The following DNMT1 variants were observed in gnomAD, a reference collection of about 807,000 sequenced individuals.
DNMT1 encodes DNA methyltransferase 1.
DNMT1 carries 24 observed loss-of-function variants against 205.3 expected under a neutral mutation model. The ratio of observed to expected loss-of-function variants is 0.12; its 90% CI spans 0.08 to 0.16. DNMT1 has a LOEUF of 0.16. Among genes scored for constraint, DNMT1 ranks in the 10% least tolerant of loss-of-function variants. The pLI is 1.00. For missense variants in DNMT1, 1,293 were observed against 2,177.7 expected (o/e 0.59, Z 8.09); for synonymous variants, 817 against 839.8 (o/e 0.97, Z 0.47).
In DNMT1 at chr19:10,151,913, A is replaced by T. The variant is rs1372664954; in HGVS notation, c.2020-66T>A. On this transcript the variant is annotated intron_variant, in intron 22 of 40. Transcript: ENST00000359526. The surrounding 1 kb of genome is among the most constrained non-coding windows in gnomAD (Gnocchi z 5.0). ...AGTGGTTCATGCCTGTAATCCCAGT[A>T]TTTCAGAAGGCCGAGGCAGGCAGAT... 1.3e-6 allele frequency: 2 copies of T among 1,497,954 alleles called. No individual in the cohort carries two copies. Among genetic ancestry groups the T allele is most frequent in the East Asian group, 4.5e-5 (2 of 44,286 alleles). 92.8% of individuals were successfully genotyped at this position (1,497,954 alleles called of 1,614,324 possible). A position where few individuals can be genotyped will look rare whatever the true frequency, so the allele number is the denominator to read the frequency against.
chr19:10,190,014 G>C (rs564085757), intron 1 of DNMT1, among the ~76,000 whole-genome samples: 9 of 152,254 alleles, frequency 5.9e-5, no homozygotes, highest in Admixed American at 5.9e-4. Flanking sequence ...CGGCTGGCAA[G>C]TAGGGCGGCA....
Position 10,137,585 on chromosome 19 carries a change from A to AGG in DNMT1, c.4293+245_4293+246dup, listed in dbSNP as rs2089514330. ...GGAAAACATGCGGGGAGAGGCAGCA[A>AGG]GGGGGAAGGCAGTGGTGGGTGGGCA... On this transcript the variant is annotated intron_variant, in intron 36 of 40. Transcript: ENST00000359526. The surrounding 1 kb of genome is among the most constrained non-coding windows in gnomAD (Gnocchi z 6.4). 1.2e-5 allele frequency: 8 copies of AGG among 654,612 alleles called. No individual in the cohort carries two copies. The highest frequency in any genetic ancestry group is 2.1e-5 in the Non-Finnish European group (8 of 380,988). The allele number at this position is 654,612 out of a possible 1,614,324, so 40.6% of individuals were successfully genotyped here.
intron 29 of DNMT1, 27 bp downstream of exon 29, chr19:10,143,739 C>T (rs745867088): frequency 3.7e-6 from 6 of 1,612,880 alleles, no homozygotes; most frequent in Non-Finnish European, 5.1e-6. Context: ...TCTGTGGCCT[C>T]GTGGAAGAAC....
intron 22 of DNMT1, among the ~76,000 whole-genome samples, chr19:10,153,866 GAAGT>G (rs2145305869): frequency 6.6e-6 from 1 of 152,246 alleles, no homozygotes; most frequent in South Asian, 2.1e-4. Context: ...ATAGGACTAG[GAAGT>G]TAGTTCCTCC....
chr19:10,135,416 G>C (rs2089457884), intron 39 of DNMT1: 1 of 420,498 alleles, frequency 2.4e-6, no homozygotes, highest in African/African-American at 2.0e-5. Context: ...TAGGAATTAA[G>C]GTGCTAGTTC....
chr19:10,150,077 G>A (rs1057167670), intron 24 of DNMT1, 109 bp from the exon 25 acceptor site: 1 of 928,294 alleles, frequency 1.1e-6, no homozygotes, highest in African/African-American at 1.6e-5. Context: ...ATTTCATTAA[G>A]AAGTCAATGA....
At chr19:10,149,378 A>T in intron 26 of DNMT1, 75 bp downstream of exon 26, 1 of 1,554,864 alleles carries the variant, frequency 6.4e-7, no homozygotes, top group South Asian at 1.1e-5. Context: ...ATACAAATCA[A>T]AACAAAACAG....
chr19:10,182,166 G>T, intron 1 of DNMT1, 89 bp from the exon 2 acceptor site: 3 of 1,397,112 alleles, frequency 2.1e-6, no homozygotes, highest in South Asian at 1.2e-5. Context: ...AAGAAGTTTT[G>T]GACACAAACA....
chr19:10,139,420 G>A (rs1328148199), intron 34 of DNMT1, among the ~76,000 whole-genome samples: 7 of 152,196 alleles, frequency 4.6e-5, no homozygotes, highest in East Asian at 1.9e-4. Context: ...GCTGCATGGC[G>A]AGAAGCCCAT....
At position 10,133,417 on chromosome 19, in the gene DNMT1, T is replaced by A; in HGVS notation, c.*250A>T. 1 of 568,092 alleles carries A rather than the reference T, an allele frequency of 1.8e-6. No individual in the cohort carries two copies. The highest frequency in any genetic ancestry group is 2.9e-5 in the East Asian group (1 of 34,996). 35.2% of individuals were successfully genotyped at this position (568,092 alleles called of 1,614,324 possible). A position where few individuals can be genotyped will look rare whatever the true frequency, so the allele number is the denominator to read the frequency against. ...AACTACATAAAGTCTTAATTTCCAC[T>A]CATACAGTGGTAGATTTGATATAAT... On this transcript the variant is annotated 3_prime_UTR_variant, in exon 41 of 41. Coordinates refer to ENST00000359526, the MANE Select transcript of DNMT1 (RefSeq NM_001130823.3). The surrounding 1 kb of genome is among the most constrained non-coding windows in gnomAD (Gnocchi z 4.1).
chr19:10,155,325 A>G (rs907926355), intron 19 of DNMT1, among the ~76,000 whole-genome samples: 10 of 151,878 alleles, frequency 6.6e-5, no homozygotes, highest in Non-Finnish European at 1.2e-4. Flanking sequence ...GGTTGCAAGA[A>G]TAAGACCTGC....
chr19:10,165,879 T>C (rs867137845), intron 11 of DNMT1, among the ~76,000 whole-genome samples: 3 of 152,186 alleles, frequency 2.0e-5, no homozygotes, highest in African/African-American at 7.2e-5. Flanking sequence ...AAGGCTCCCC[T>C]GCTATGGGGT....
chr19:10,191,333 A>AAT (rs1477982304), intron 1 of DNMT1, among the ~76,000 whole-genome samples: 1 of 148,960 alleles, frequency 6.7e-6, no homozygotes, highest in African/African-American at 2.5e-5. Flanking sequence ...TACCATGTTT[A>AAT]TTTTTCATTT....
intron 29 of DNMT1, among the ~76,000 whole-genome samples, chr19:10,142,612 T>G (rs2145272029): frequency 7.1e-6 from 1 of 141,064 alleles, no homozygotes; most frequent in African/African-American, 2.7e-5. Context: ...AACCGCCAGG[T>G]AATGACCCCC....
chr19:10,174,306 C>T (rs1286210576), intron 7 of DNMT1, among the ~76,000 whole-genome samples: 1 of 152,034 alleles, frequency 6.6e-6, no homozygotes, highest in Non-Finnish European at 1.5e-5. Context: ...GTCCCAGCTG[C>T]TTGGGAGGGT....
At chr19:10,170,154 G>A (rs757520683) in intron 9 of DNMT1, among the ~76,000 whole-genome samples, 2 of 151,506 alleles carry the variant, frequency 1.3e-5, no homozygotes, top group Admixed American at 6.6e-5. Context: ...ACGGGGTGGC[G>A]GGCGCCTATA....
chr19:10,163,450 T>C, intron 11 of DNMT1, 90 bp from the exon 12 acceptor site: 1 of 1,382,388 alleles, frequency 7.2e-7, no homozygotes, highest in Non-Finnish European at 1.0e-6. Context: ...AACACTGAAG[T>C]TACAGGTTAG....
At chr19:10,183,762 A>G (rs896200422) in intron 1 of DNMT1, among the ~76,000 whole-genome samples, 4 of 152,148 alleles carry the variant, frequency 2.6e-5, no homozygotes, top group Non-Finnish European at 5.9e-5. Flanking sequence ...CTGTAATCCC[A>G]GCAACTTGGG....
chr19:10,136,580 C>G (rs1409484408), intron 37 of DNMT1, among the ~76,000 whole-genome samples: 2 of 151,808 alleles, frequency 1.3e-5, no homozygotes, highest in African/African-American at 4.8e-5. Context: ...GGATTATAGG[C>G]GTGCGACACC....
Sources: allele counts gnomAD v4.1 joint callset (sites outside exome capture counted in the v4.1 genomes callset), GRCh38; gene constraint gnomAD v4.1.1; non-coding constraint Gnocchi (gnomAD v3.1); transcripts MANE v1.5; gene names NCBI Gene and HGNC (gene_info 2026-07-23, HGNC 2026-07-21).